NSMCE1: variants seen among roughly 807,000 people sequenced by gnomAD.
The protein encoded by NSMCE1 is NSE1 component of SMC5/6 complex, also known as non-structural maintenance of chromosomes element 1 homolog.
Under a neutral mutation model 29.6 loss-of-function variants are expected in NSMCE1, and 18 were observed. That is an observed-to-expected ratio of 0.61 (90% CI 0.42 to 0.90). NSMCE1 has a LOEUF of 0.90. NSMCE1 is among the 40% of genes least tolerant of loss of function. The probability of loss-of-function intolerance (pLI) is 0.00; values close to 1 mark genes in which losing one functional copy is unlikely to be tolerated. For missense variants in NSMCE1, 314 were observed against 343.6 expected (o/e 0.91, Z 0.68); for synonymous variants, 124 against 133.4 (o/e 0.93, Z 0.49).
intron 4 of NSMCE1, 42 bp downstream of exon 4, chr16:27,234,146 T>A (rs754444989): frequency 1.5e-6 from 2 of 1,338,888 alleles, no homozygotes; most frequent in Non-Finnish European, 2.2e-6. Flanking sequence ...AACTTTCCCA[T>A]AAGAAGCCCA....
At position 27,232,562 on chromosome 16, in the gene NSMCE1, CCA is replaced by C. The variant is rs1286428246; in HGVS notation, c.483+437_483+438del. Among the ~76,000 whole-genome samples, 1 of 152,258 alleles carries C rather than the reference CCA, an allele frequency of 6.6e-6. No homozygotes were observed. The highest frequency in any genetic ancestry group is 1.9e-4 in the East Asian group (1 of 5,208). On this transcript the variant is annotated intron_variant, in intron 5 of 7. Coordinates refer to ENST00000361439, the MANE Select transcript of NSMCE1 (RefSeq NM_145080.4). This position sits in a 1 kb window ranked among gnomAD's most constrained non-coding sequence, Gnocchi z 4.5. Reference sequence around the variant, plus strand: ...GCACCGAGCACATTACTGTGAGGTCCCATTCCCGCTCCTGACACACCCAGCCC... The same window carrying C: ...GCACCGAGCACATTACTGTGAGGTCCTTCCCGCTCCTGACACACCCAGCCC...
intron 1 of NSMCE1, among the ~76,000 whole-genome samples, chr16:27,260,730 A>G (rs1170499519): frequency 6.6e-6 from 1 of 151,668 alleles, no homozygotes; most frequent in Non-Finnish European, 1.5e-5. Flanking sequence ...ATAGTGGCAC[A>G]CCTCCGTAGT....
chr16:27,243,077 G>C (rs563098908), intron 2 of NSMCE1, among the ~76,000 whole-genome samples: 1 of 152,246 alleles, frequency 6.6e-6, no homozygotes, highest in Non-Finnish European at 1.5e-5. Flanking sequence ...CTGGCGGCAC[G>C]CATTCTACCA....
intron 2 of NSMCE1, among the ~76,000 whole-genome samples, chr16:27,236,932 C>A (rs1050779514): frequency 6.6e-6 from 1 of 151,282 alleles, no homozygotes; most frequent in Non-Finnish European, 1.5e-5. Context: ...GCTACCCGTA[C>A]AACTCAAGAT....
chr16:27,247,631 A>G (rs1357531597), intron 2 of NSMCE1, among the ~76,000 whole-genome samples: 2 of 152,168 alleles, frequency 1.3e-5, no homozygotes, highest in East Asian at 3.8e-4. Flanking sequence ...AATTTCACAT[A>G]AATGCCTTCA....
At position 27,233,038 on chromosome 16, in the gene NSMCE1, A is replaced by T. The variant is rs2083778966; in HGVS notation, c.446T>A (p.Val149Glu). 1.2e-6 allele frequency: 2 copies of T among 1,614,054 alleles called. No individual in the cohort carries two copies. Among genetic ancestry groups the T allele is most frequent in the African/African-American group, 1.3e-5 (1 of 74,926 alleles). Reference sequence around the variant, plus strand: ...CTTGTTTTGAACAAACTTCTGCAGCACCTGCTCCGCTTCCTTCTTCCTCAT... The same window carrying T: ...CTTGTTTTGAACAAACTTCTGCAGCTCCTGCTCCGCTTCCTTCTTCCTCAT... ...KKMRKKEAEQ[V>E]LQKFVQNKWL... Residue 149 changes from valine (V) to glutamate (E), a missense_variant, in exon 5 of 8, where the codon GTG becomes GAG. By Grantham distance (121) the Val-to-Glu change is moderately radical (BLOSUM62 -2). Coordinates refer to ENST00000361439, the MANE Select transcript of NSMCE1 (RefSeq NM_145080.4).
At chr16:27,259,400 C>A (rs1284367190) in intron 1 of NSMCE1, among the ~76,000 whole-genome samples, 2 of 152,168 alleles carry the variant, frequency 1.3e-5, no homozygotes, top group African/African-American at 4.8e-5. Context: ...TTAGCACCCC[C>A]GTATTTGCCA....
At chr16:27,250,517 C>T (rs949425125) in intron 2 of NSMCE1, among the ~76,000 whole-genome samples, 8 of 150,638 alleles carry the variant, frequency 5.3e-5, no homozygotes, top group African/African-American at 1.7e-4. Flanking sequence ...GAGGGCCAGG[C>T]GCGGTGGCTC....
intron 2 of NSMCE1, among the ~76,000 whole-genome samples, chr16:27,240,958 C>G (rs1465022432): frequency 2.6e-5 from 4 of 152,150 alleles, no homozygotes; most frequent in African/African-American, 7.2e-5. Flanking sequence ...GCTATAGTCT[C>G]AGCTACTTGG....
At chr16:27,247,026 A>C (rs2083965203) in intron 2 of NSMCE1, among the ~76,000 whole-genome samples, 1 of 151,280 alleles carries the variant, frequency 6.6e-6, no homozygotes, top group South Asian at 2.1e-4. Context: ...ACATTCTACA[A>C]ATAGCACATG....
At position 27,232,031 on chromosome 16, in the gene NSMCE1, G is replaced by A. The variant is rs1303488555; in HGVS notation, c.483+970C>T. Among the ~76,000 whole-genome samples, 1 of 152,148 alleles carries A rather than the reference G, an allele frequency of 6.6e-6. No individual in the cohort carries two copies. Among genetic ancestry groups the A allele is most frequent in the Non-Finnish European group, 1.5e-5 (1 of 68,028 alleles). On this transcript the variant is annotated intron_variant, in intron 5 of 7. Coordinates refer to ENST00000361439, the MANE Select transcript of NSMCE1 (RefSeq NM_145080.4). The surrounding 1 kb of genome is among the most constrained non-coding windows in gnomAD (Gnocchi z 4.5). ...TCAGGTACCCCAGGAACTGAATTCG[G>A]GTCAGGTTCCTGGGACAGGCCCACC...
intron 5 of NSMCE1, among the ~76,000 whole-genome samples, chr16:27,230,273 G>T (rs564825453): frequency 6.6e-6 from 1 of 152,326 alleles, no homozygotes; most frequent in Admixed American, 6.5e-5. Flanking sequence ...TGTCCTTGGG[G>T]TGATATACCC....
intron 1 of NSMCE1, among the ~76,000 whole-genome samples, chr16:27,264,244 G>C (rs2141012907): frequency 6.6e-6 from 1 of 152,266 alleles, no homozygotes; most frequent in Non-Finnish European, 1.5e-5. Flanking sequence ...ATGATGGTAT[G>C]CACCTGTAGT....
chr16:27,238,092 C>A (rs1056767111), intron 2 of NSMCE1, among the ~76,000 whole-genome samples: 1 of 152,166 alleles, frequency 6.6e-6, no homozygotes, highest in Non-Finnish European at 1.5e-5. Flanking sequence ...TTACACTCAG[C>A]ACCCCCAAAC....
In NSMCE1 at chr16:27,233,123, T is replaced by C. The variant is rs1204036600; in HGVS notation, c.361A>G (p.Thr121Ala). ...KALELIIDSE[T>A]GFASSTNILN... ...ATGTTTGTGGAAGACGCAAAGCCGG[T>C]TTCTGAGTCAATAATCAGTTCCAGC... is the stretch of plus-strand genomic sequence containing the variant. Residue 121 changes from threonine (T) to alanine (A), a missense_variant, in exon 5 of 8, where the codon ACC becomes GCC. By Grantham distance (58) the Thr-to-Ala change is moderately conservative. Transcript: ENST00000361439. 3 of 1,613,710 alleles carry C rather than the reference T, an allele frequency of 1.9e-6. No individual in the cohort carries two copies. Among genetic ancestry groups the C allele is most frequent in the Admixed American group, 1.7e-5 (1 of 59,918 alleles).
chr16:27,239,245 G>A (rs537276217), intron 2 of NSMCE1, among the ~76,000 whole-genome samples: 2 of 152,252 alleles, frequency 1.3e-5, no homozygotes, highest in African/African-American at 4.8e-5. Flanking sequence ...TGTCCACTAA[G>A]CGCTAAGGTT....
intron 2 of NSMCE1, 138 bp from the exon 3 acceptor site, chr16:27,235,437 G>A (rs952003704): frequency 3.3e-5 from 29 of 881,562 alleles, no homozygotes; most frequent in Admixed American, 8.2e-5. Context: ...AGCCTCTTGG[G>A]TGAACGCCAA....
intron 1 of NSMCE1, among the ~76,000 whole-genome samples, chr16:27,266,912 T>A (rs984786786): frequency 1.3e-5 from 2 of 152,118 alleles, no homozygotes; most frequent in African/African-American, 4.8e-5. Context: ...AAATAAGGCA[T>A]AATGTGGGCA....
At chr16:27,226,237 GC>G (rs2140983430) in intron 6 of NSMCE1, 2 of 220,258 alleles carry the variant, frequency 9.1e-6, no homozygotes, top group East Asian at 2.7e-4. Flanking sequence ...ATCACCAGGT[GC>G]CCAAGGATAC....
Sources: allele counts gnomAD v4.1 joint callset (sites outside exome capture counted in the v4.1 genomes callset), GRCh38; gene constraint gnomAD v4.1.1; non-coding constraint Gnocchi (gnomAD v3.1); transcripts MANE v1.5; gene names NCBI Gene and HGNC (gene_info 2026-07-23, HGNC 2026-07-21).